Variants in NEDD9 observed in about 807,000 individuals in gnomAD.
NEDD9 encodes enhancer of filamentation 1.
A neutral mutation model predicts 76.6 loss-of-function variants in NEDD9; 26 were observed. That is an observed-to-expected ratio of 0.34 (90% confidence interval 0.25 to 0.47). The LOEUF (loss-of-function observed/expected upper bound fraction) is 0.47. Among genes scored for constraint, NEDD9 ranks in the 20% least tolerant of loss-of-function variants. The pLI is 1.00. For synonymous variants in NEDD9, 392 were observed against 414.2 expected (o/e 0.95, Z 0.65); for missense variants, 937 against 1,058.5 (o/e 0.89, Z 1.59).
intron 3 of NEDD9, among the ~76,000 whole-genome samples, chr6:11,273,617 G>A (rs1760359238): frequency 6.6e-6 from 1 of 152,224 alleles, no homozygotes; most frequent in Admixed American, 6.5e-5. Flanking sequence ...CGTCTTGCCA[G>A]TGGCTTGATA....
At chr6:11,296,672 TTCCTTTC>T (rs1278428313) in intron 3 of NEDD9, among the ~76,000 whole-genome samples, 5 of 93,926 alleles carry the variant, frequency 5.3e-5, no homozygotes, top group East Asian at 4.6e-4. Flanking sequence ...TTCCTTTCCT[TTCCTTTC>T]CCTTCCTTCC....
Position 11,213,204 on chromosome 6 carries a change from G to C in NEDD9, c.459+77C>G. The C allele has an allele frequency of 2.3e-6, 3 of 1,329,094 alleles. No homozygotes were observed. The highest frequency in any genetic ancestry group is 3.1e-6 in the Non-Finnish European group (3 of 971,588). 82.3% of individuals were successfully genotyped at this position (1,329,094 alleles called of 1,614,324 possible). On this transcript the variant is annotated intron_variant, in intron 2 of 6. Coordinates refer to ENST00000379446, the MANE Select transcript of NEDD9 (RefSeq NM_006403.4). The surrounding 1 kb of genome is among the most constrained non-coding windows in gnomAD (Gnocchi z 5.4). ...TGGCAGCTTCAAGTTATTAATTTGGGAACATTTCCAAATGCTCCAAGTGTA... is the reference window on the plus strand; with the variant it reads ...TGGCAGCTTCAAGTTATTAATTTGGCAACATTTCCAAATGCTCCAAGTGTA...
Position 11,237,812 on chromosome 6 carries a change from T to G in NEDD9, c.13-24085A>C, listed in dbSNP as rs1437389236. Among the ~76,000 whole-genome samples, 1 of 152,176 alleles carries G rather than the reference T, an allele frequency of 6.6e-6. No homozygotes were observed. Among genetic ancestry groups the G allele is most frequent in the Non-Finnish European group, 1.5e-5 (1 of 68,038 alleles). ...TCTAGATTAGTGCAAGGTACATCTA[T>G]GCCTGAGTTCAGAATAAAGTATAGA... On this transcript the variant is annotated intron_variant, in intron 3 of 3. Coordinates refer to the NEDD9 transcript ENST00000397378. The surrounding 1 kb of genome is among the most constrained non-coding windows in gnomAD (Gnocchi z 4.9).
intron 2 of NEDD9, among the ~76,000 whole-genome samples, chr6:11,209,744 A>G (rs913189643): frequency 5.9e-5 from 9 of 152,338 alleles, no homozygotes; most frequent in Admixed American, 5.9e-4. Flanking sequence ...CTATGGAGAA[A>G]CAACCCAGCA....
intron 1 of NEDD9, among the ~76,000 whole-genome samples, chr6:11,350,870 G>T (rs1389045332): frequency 6.6e-6 from 1 of 152,132 alleles, no homozygotes; most frequent in Non-Finnish European, 1.5e-5. Flanking sequence ...CCAGGGTCGG[G>T]GGGTGGTCAG....
At chr6:11,279,889 T>C (rs1760499918) in intron 3 of NEDD9, among the ~76,000 whole-genome samples, 1 of 152,160 alleles carries the variant, frequency 6.6e-6, no homozygotes. Context: ...AAAACACAGA[T>C]TTCAGCATTA....
chr6:11,190,344 A>G lies in NEDD9; in HGVS notation c.1525T>C (p.Cys509Arg). 1 of 1,614,074 alleles carries G rather than the reference A, an allele frequency of 6.2e-7. No homozygotes were observed. Among genetic ancestry groups the G allele is most frequent in the South Asian group, 1.1e-5 (1 of 91,070 alleles). ...LSQTSHDLNECSWSLNILAIN... is the reference protein window; with the variant it reads ...LSQTSHDLNERSWSLNILAIN... ...GCCAAGATATTCAGGGACCAGCTGC[A>G]CTCATTTAAGTCATGGCTGGTTTGA... Residue 509 changes from cysteine (C) to arginine (R), a missense_variant, in exon 5 of 7, where the codon TGC becomes CGC. Physicochemically the swap from Cys to Arg is radical, Grantham distance 180. Coordinates refer to ENST00000379446, the MANE Select transcript of NEDD9 (RefSeq NM_006403.4). The surrounding 1 kb of genome is among the most constrained non-coding windows in gnomAD (Gnocchi z 5.8).
chr6:11,318,381 G>T (rs913263367), intron 2 of NEDD9, among the ~76,000 whole-genome samples: 1 of 152,192 alleles, frequency 6.6e-6, no homozygotes, highest in Non-Finnish European at 1.5e-5. Context: ...TGAGAGGAAG[G>T]TGTGGAGCGG....
At chr6:11,349,665 G>A (rs927487033) in intron 1 of NEDD9, among the ~76,000 whole-genome samples, 1 of 152,096 alleles carries the variant, frequency 6.6e-6, no homozygotes, top group African/African-American at 2.4e-5. Flanking sequence ...CATACTAATC[G>A]GGAACAGAAA....
At chr6:11,329,391 C>T (rs1050017188) in intron 2 of NEDD9, among the ~76,000 whole-genome samples, 1 of 152,198 alleles carries the variant, frequency 6.6e-6, no homozygotes, top group African/African-American at 2.4e-5. Context: ...AATAAGTTAA[C>T]TCACCCCACA....
intron 1 of NEDD9, among the ~76,000 whole-genome samples, chr6:11,222,635 A>G (rs994067493): frequency 3.9e-5 from 6 of 152,264 alleles, no homozygotes; most frequent in African/African-American, 1.4e-4. Context: ...CTCTAAATGC[A>G]TGTTCCATGA....
chr6:11,232,473 G>C (rs745762462), intron 1 of NEDD9, 31 bp downstream of exon 1: 2 of 1,613,958 alleles, frequency 1.2e-6, no homozygotes, highest in South Asian at 1.1e-5. Flanking sequence ...CTTTCAGCTT[G>C]CAAGGTAACC....
chr6:11,376,503 T>A (rs1376058205), intron 1 of NEDD9, among the ~76,000 whole-genome samples: 1 of 152,166 alleles, frequency 6.6e-6, no homozygotes, highest in African/African-American at 2.4e-5. Flanking sequence ...CACTGTATGC[T>A]CTAGGGATCT....
rs78185438 is a variant in NEDD9 at position 11,277,212 on chromosome 6, G to A, written c.12+28780C>T. Among the ~76,000 whole-genome samples, 1,318 of 152,346 alleles carry A rather than the reference G, an allele frequency of 8.7e-3. 23 individuals carry two copies. The highest frequency in any genetic ancestry group is 0.045 in the East Asian group (231 of 5,182). On this transcript the variant is annotated intron_variant, in intron 3 of 3. Coordinates refer to the NEDD9 transcript ENST00000397378. Reference sequence around the variant, plus strand: ...TGTCCTTACACTTAAAATGGAAGCTGCTGGAAGAAAAGGGTTTCTGCCTCT... The same window carrying A: ...TGTCCTTACACTTAAAATGGAAGCTACTGGAAGAAAAGGGTTTCTGCCTCT...
At chr6:11,197,784 G>A (rs374822785) in intron 2 of NEDD9, among the ~76,000 whole-genome samples, 1 of 152,102 alleles carries the variant, frequency 6.6e-6, no homozygotes, top group Non-Finnish European at 1.5e-5. Context: ...AGATCCTGGC[G>A]GCATGAGTTT....
chr6:11,204,148 C>G (rs1236592052), intron 2 of NEDD9, among the ~76,000 whole-genome samples: 4 of 152,186 alleles, frequency 2.6e-5, no homozygotes, highest in Admixed American at 2.6e-4. Flanking sequence ...GTTAGTTACT[C>G]AGGCTATTAA....
At chr6:11,187,241 T>C (rs6923725) in intron 6 of NEDD9, among the ~76,000 whole-genome samples, 125,679 of 152,158 alleles carry the variant, frequency 0.83, 52,051 homozygotes, top group East Asian at 1. Flanking sequence ...TTCCTAAATA[T>C]AGCATGCCAT....
At position 11,184,941 on chromosome 6, in the gene NEDD9, A is replaced by T. The variant is rs535524763; in HGVS notation, c.*221T>A. 53 of 496,308 alleles carry T rather than the reference A, an allele frequency of 1.1e-4. No individual in the cohort carries two copies. The highest frequency in any genetic ancestry group is 1.7e-4 in the Non-Finnish European group (49 of 290,702). The allele number at this position is 496,308 out of a possible 1,614,324, so 30.7% of individuals were successfully genotyped here. On this transcript the variant is annotated 3_prime_UTR_variant, in exon 7 of 7. Transcript: ENST00000379446. Reference sequence around the variant, plus strand: ...AAGTTTTCTGTACAGTTTATGTCTCAGATACTTCTATGTATACATAAGAAC... The same window carrying T: ...AAGTTTTCTGTACAGTTTATGTCTCTGATACTTCTATGTATACATAAGAAC...
At chr6:11,191,786 C>T (rs1758151167) in intron 4 of NEDD9, among the ~76,000 whole-genome samples, 1 of 152,164 alleles carries the variant, frequency 6.6e-6, no homozygotes. Context: ...GTAGTAGGAT[C>T]ATTTAAGCCC....
Sources: allele counts gnomAD v4.1 joint callset (sites outside exome capture counted in the v4.1 genomes callset), GRCh38; gene constraint gnomAD v4.1.1; non-coding constraint Gnocchi (gnomAD v3.1); transcripts MANE v1.5; gene names NCBI Gene and HGNC (gene_info 2026-07-23, HGNC 2026-07-21).